Variants in FUT8 observed in about 807,000 individuals in gnomAD.
FUT8 encodes the protein fucosyltransferase 8, also known as alpha-(1,6)-fucosyltransferase.
Under a neutral mutation model 71.3 loss-of-function variants are expected in FUT8, and 29 were observed. The ratio of observed to expected loss-of-function variants is 0.41; its 90% CI spans 0.30 to 0.55. FUT8 has a LOEUF of 0.55. Among genes scored for constraint, FUT8 ranks in the 20% least tolerant of loss-of-function variants. The probability of loss-of-function intolerance (pLI) is 0.34; values close to 1 mark genes in which losing one functional copy is unlikely to be tolerated. For synonymous variants in FUT8, 254 were observed against 239.3 expected (o/e 1.06, Z -0.57); for missense variants, 544 against 702.1 (o/e 0.77, Z 2.55).
At chr14:65,507,645 T>A (rs539831387) in intron 2 of FUT8, among the ~76,000 whole-genome samples, 26 of 152,254 alleles carry the variant, frequency 1.7e-4, no homozygotes, top group Admixed American at 6.5e-5. Flanking sequence ...TTCTCTTTTA[T>A]GGCTGAATAG....
chr14:65,578,245 C>T (rs1355133905), intron 3 of FUT8, among the ~76,000 whole-genome samples: 2 of 151,962 alleles, frequency 1.3e-5, no homozygotes, highest in Non-Finnish European at 2.9e-5. Flanking sequence ...TCAATAACTT[C>T]TTGATAATTG....
chr14:65,642,573 A>T (rs1890890727), intron 6 of FUT8, among the ~76,000 whole-genome samples: 1 of 146,346 alleles, frequency 6.8e-6, no homozygotes, highest in African/African-American at 2.5e-5. Context: ...ACTGCACTCC[A>T]GCCTGGGTGA....
At chr14:65,381,943 C>T in the FUT8 span, among the ~76,000 whole-genome samples, 3 of 152,170 alleles carry the variant, frequency 2.0e-5, no homozygotes, top group African/African-American at 7.2e-5. Flanking sequence ...ACACTCTCTC[C>T]CTCCAGGTCC....
chr14:65,637,620 A>C (rs1377326371), intron 6 of FUT8, among the ~76,000 whole-genome samples: 1 of 152,074 alleles, frequency 6.6e-6, no homozygotes, highest in Non-Finnish European at 1.5e-5. Flanking sequence ...TTTTGTGGAG[A>C]TGGGATCTCC....
chr14:65,572,451 A>C (rs919604607), intron 3 of FUT8, among the ~76,000 whole-genome samples: 1 of 152,224 alleles, frequency 6.6e-6, no homozygotes, highest in African/African-American at 2.4e-5. Context: ...AAATGTATAC[A>C]ACTGTGAGTG....
rs139383056 is a variant in FUT8, at chr14:65,432,755, C to T, written c.-326+19541C>T. On this transcript the variant is annotated intron_variant, in intron 1 of 10. Transcript: ENST00000673929. The stretch of plus-strand genomic sequence containing the variant: ...CTCACTACTACACTTCCATTAGCAC[C>T]GCTCTATGACAGCTTACAAATGCCA... Among the ~76,000 whole-genome samples the T allele has an allele frequency of 2.9e-3, 438 of 152,196 alleles. 3 individuals are homozygous for T. The highest frequency in any genetic ancestry group is 1.0e-2 in the African/African-American group (414 of 41,522).
intron 2 of FUT8, among the ~76,000 whole-genome samples, chr14:65,459,854 A>G (rs1295573055): frequency 1.3e-5 from 2 of 152,230 alleles, no homozygotes; most frequent in African/African-American, 4.8e-5. Flanking sequence ...TAATAAAAAA[A>G]ATAGCATTTT....
chr14:65,438,143 G>C (rs1047008621), intron 1 of FUT8, among the ~76,000 whole-genome samples: 3 of 152,200 alleles, frequency 2.0e-5, no homozygotes, highest in Non-Finnish European at 4.4e-5. Context: ...TCTCAAGTAA[G>C]AATATATCAA....
intron 3 of FUT8, among the ~76,000 whole-genome samples, chr14:65,569,681 A>T (rs1461493386): frequency 2.0e-5 from 3 of 151,682 alleles, no homozygotes; most frequent in East Asian, 3.9e-4. Context: ...TATTTCATGG[A>T]TCACCTTTTG....
intron 1 of FUT8, among the ~76,000 whole-genome samples, chr14:65,439,990 A>G (rs1367581665): frequency 7.1e-6 from 1 of 139,944 alleles, no homozygotes; most frequent in South Asian, 2.3e-4. Flanking sequence ...ATATATATAT[A>G]TGTACACACA....
chr14:65,600,186 A>G (rs1888222898), intron 3 of FUT8, among the ~76,000 whole-genome samples: 1 of 152,198 alleles, frequency 6.6e-6, no homozygotes, highest in South Asian at 2.1e-4. Flanking sequence ...CCTGTTTGTA[A>G]AAGATGTGTC....
the FUT8 span, among the ~76,000 whole-genome samples, chr14:65,385,367 T>A: frequency 0.21 from 8 of 38 alleles, no homozygotes; most frequent in Admixed American, 0.3. Flanking sequence ...GAAGTCACAG[T>A]AAACCAATTT....
At chr14:65,400,931 T>C in the FUT8 span, among the ~76,000 whole-genome samples, 1 of 152,290 alleles carries the variant, frequency 6.6e-6, no homozygotes, top group African/African-American at 2.4e-5. Flanking sequence ...TTTGTACCAT[T>C]ATCATACCGC....
intron 1 of FUT8, among the ~76,000 whole-genome samples, chr14:65,420,628 G>A (rs1237485071): frequency 6.6e-6 from 1 of 151,908 alleles, no homozygotes; most frequent in Non-Finnish European, 1.5e-5. Context: ...ATTCAGGGAA[G>A]TGCATCTAAA....
At chr14:65,678,342 T>C (rs1448317761) in intron 7 of FUT8, among the ~76,000 whole-genome samples, 1 of 152,216 alleles carries the variant, frequency 6.6e-6, no homozygotes, top group African/African-American at 2.4e-5. Context: ...TCTCCACTTC[T>C]GTTGGGTTTT....
At chr14:65,584,331 A>G (rs1172957516) in intron 3 of FUT8, among the ~76,000 whole-genome samples, 3 of 152,072 alleles carry the variant, frequency 2.0e-5, no homozygotes, top group Non-Finnish European at 4.4e-5. Flanking sequence ...GGCGGCCACC[A>G]CCACACCTAG....
In FUT8 at chr14:65,509,004, G is replaced by A. The variant is rs566771391; in HGVS notation, c.-227-52333G>A. 1.2e-4 allele frequency among the ~76,000 whole-genome samples: 18 copies of A among 152,138 alleles called. No individual in the cohort carries two copies. The South Asian group carries it at 3.3e-3, about 28-fold the overall frequency. On this transcript the variant is annotated intron_variant, in intron 2 of 10. Coordinates refer to ENST00000673929, the MANE Select transcript of FUT8 (RefSeq NM_001371533.1). The stretch of plus-strand genomic sequence containing the variant: ...TACTTAAGAAATCATTGCCCAGACC[G>A]ATACCCTGGAGAGTTTCCCCAGTGT...
At chr14:65,650,983 C>T (rs755728664) in intron 6 of FUT8, among the ~76,000 whole-genome samples, 1 of 152,144 alleles carries the variant, frequency 6.6e-6, no homozygotes, top group Non-Finnish European at 1.5e-5. Context: ...GTGCCCCTCC[C>T]ACTCCCACTG....
intron 2 of FUT8, among the ~76,000 whole-genome samples, chr14:65,511,496 A>C (rs72714468): frequency 0.13 from 19,910 of 152,036 alleles, 1,742 homozygotes; most frequent in Middle Eastern, 0.2. Flanking sequence ...GGATGTTGAA[A>C]TCTCCAGCTA....
Sources: gnomAD v4.1 joint callset for allele counts (sites outside exome capture counted in the v4.1 genomes callset) on GRCh38, gnomAD v4.1.1 for gene constraint, MANE v1.5 for transcripts, NCBI Gene and HGNC (gene_info 2026-07-23, HGNC 2026-07-21) for gene names.